Variants in MRPL35 observed in about 807,000 individuals in gnomAD.
MRPL35 encodes the protein large ribosomal subunit protein bL35m.
Under a neutral mutation model 21.6 loss-of-function variants are expected in MRPL35, and 18 were observed. The observed-to-expected ratio is 0.83, with a 90% CI of 0.58 to 1.24. The LOEUF is 1.24. Ranked by LOEUF, MRPL35 falls within the 50% of genes most tolerant of loss-of-function variation. The probability of loss-of-function intolerance (pLI) is 0.00; values close to 1 mark genes in which losing one functional copy is unlikely to be tolerated. For missense variants in MRPL35, 223 were observed against 223.2 expected (o/e 1.00, Z 0.01); for synonymous variants, 87 against 86.9 (o/e 1.00, Z -0.01).
At chr2:86,209,657 C>T (rs531132809) in intron 3 of MRPL35, among the ~76,000 whole-genome samples, 1 of 152,208 alleles carries the variant, frequency 6.6e-6, no homozygotes, top group South Asian at 2.1e-4. Flanking sequence ...AAATTGGTCC[C>T]TTGTGTGTGA....
chr2:86,200,504 A>G (rs1171476111), intron 1 of MRPL35, among the ~76,000 whole-genome samples: 6 of 151,980 alleles, frequency 3.9e-5, no homozygotes, highest in East Asian at 1.9e-4. Flanking sequence ...TAGGTTGCCT[A>G]TTTTTCCTAT....
At chr2:86,203,327 T>C (rs1673727822) in intron 1 of MRPL35, among the ~76,000 whole-genome samples, 1 of 152,100 alleles carries the variant, frequency 6.6e-6, no homozygotes, top group African/African-American at 2.4e-5. Flanking sequence ...CCTCGTGATC[T>C]GCCTGCCTCG....
Position 86,207,235 on chromosome 2 carries a change from T to C in MRPL35, c.286T>C (p.Tyr96His). 1.2e-6 allele frequency: 2 copies of C among 1,614,062 alleles called. No individual in the cohort carries two copies. Among genetic ancestry groups the C allele is most frequent in the Non-Finnish European group, 8.5e-7 (1 of 1,179,946 alleles). Reference sequence around the variant, plus strand: ...GAAGCTGCCAGTCAGATCTCTAACATACTTCAGTGCAAGAAAAGGCAAGAG... The same window carrying C: ...GAAGCTGCCAGTCAGATCTCTAACACACTTCAGTGCAAGAAAAGGCAAGAG... ...VLKLPVRSLT[Y>H]FSARKGKRKT... Residue 96 changes from tyrosine to histidine, a missense_variant, in exon 3 of 4, where the codon TAC (tyrosine) becomes CAC (histidine). Coordinates refer to ENST00000337109, the MANE Select transcript of MRPL35 (RefSeq NM_016622.4).
At position 86,206,235 on chromosome 2, in the gene MRPL35, C is replaced by G; in HGVS notation, c.173C>G (p.Pro58Arg). 6.2e-7 allele frequency: 1 copy of G among 1,613,688 alleles called. No individual in the cohort carries two copies. The highest frequency in any genetic ancestry group is 8.5e-7 in the Non-Finnish European group (1 of 1,179,578). Residue 58 changes from proline (P) to arginine (R), a missense_variant, in exon 2 of 4, where the codon CCC (proline) becomes CGC (arginine). By Grantham distance (103) the Pro-to-Arg change is moderately radical. Transcript: ENST00000337109. ...CAGACACCAGTTGTTTCCTCCACTC[C>G]CAGACTTACCACATCTGAGAGAAAC... is the stretch of plus-strand genomic sequence containing the variant. ...HIQTPVVSST[P>R]RLTTSERNLT...
chr2:86,211,296 T>G lies in MRPL35; in HGVS notation c.*628T>G. 1 of 876,900 alleles carries G rather than the reference T, an allele frequency of 1.1e-6. No individual in the cohort carries two copies. Among genetic ancestry groups the G allele is most frequent in the Non-Finnish European group, 1.4e-6 (1 of 731,276 alleles). The allele number at this position is 876,900 out of a possible 1,614,324, so 54.3% of individuals were successfully genotyped here. On this transcript the variant is annotated 3_prime_UTR_variant, in exon 4 of 4. Transcript: ENST00000337109. Reference sequence around the variant, plus strand: ...TGAGGTTCTTTTCTACATGATGACCTTCAGCTCCTGCTGCTAGTCTCCAAT... The same window carrying G: ...TGAGGTTCTTTTCTACATGATGACCGTCAGCTCCTGCTGCTAGTCTCCAAT...
chr2:86,212,539 G>A lies in MRPL35; in HGVS notation c.*1871G>A. On this transcript the variant is annotated 3_prime_UTR_variant, in exon 4 of 4. Transcript: ENST00000337109. ...AAATGGTGCCTGCAGAAGTTGGGGA[G>A]AAGGATACTTTTGCACAGCCTCCAT... 1 of 1,592,800 alleles carries A rather than the reference G, an allele frequency of 6.3e-7. No individual in the cohort carries two copies. The highest frequency in any genetic ancestry group is 8.5e-7 in the Non-Finnish European group (1 of 1,170,392).
intron 1 of MRPL35, among the ~76,000 whole-genome samples, chr2:86,203,897 C>G (rs760411139): frequency 6.6e-6 from 1 of 152,138 alleles, no homozygotes; most frequent in East Asian, 1.9e-4. Context: ...ATCAACATGG[C>G]CCCTCATTTG....
chr2:86,202,524 A>G (rs1057011534), intron 1 of MRPL35, among the ~76,000 whole-genome samples: 2 of 152,226 alleles, frequency 1.3e-5, no homozygotes, highest in African/African-American at 4.8e-5. Flanking sequence ...TTTCTTGTCT[A>G]CAGTCCTCCA....
rs878940443 is a variant in MRPL35 at position 86,211,229 on chromosome 2, T to G, written c.*561T>G. 8 of 947,584 alleles carry G rather than the reference T, an allele frequency of 8.4e-6. No individual in the cohort carries two copies. The highest frequency in any genetic ancestry group is 1.0e-5 in the Non-Finnish European group (8 of 795,638). 58.7% of individuals were successfully genotyped at this position (947,584 alleles called of 1,614,324 possible). ...ACTTCTCTACACAGCTTTTGCATAC[T>G]TACAGTTTCTGTTCCTTTGTAATAA... is the stretch of plus-strand genomic sequence containing the variant. On this transcript the variant is annotated 3_prime_UTR_variant, in exon 4 of 4. Coordinates refer to ENST00000337109, the MANE Select transcript of MRPL35 (RefSeq NM_016622.4).
chr2:86,199,647 TAAG>T, intron 1 of MRPL35, 114 bp downstream of exon 1: 2 of 1,348,550 alleles, frequency 1.5e-6, no homozygotes, highest in East Asian at 2.4e-5. Flanking sequence ...TTATTTAAGT[TAAG>T]AAGGTTGCGC....
chr2:86,201,047 C>T (rs548955472), intron 1 of MRPL35, among the ~76,000 whole-genome samples: 8 of 152,314 alleles, frequency 5.3e-5, no homozygotes, highest in Non-Finnish European at 1.0e-4. Flanking sequence ...TTGATCTCAT[C>T]CTGGCGCATG....
chr2:86,202,913 C>T (rs906640872), intron 1 of MRPL35, among the ~76,000 whole-genome samples: 3 of 151,852 alleles, frequency 2.0e-5, no homozygotes, highest in African/African-American at 7.3e-5. Flanking sequence ...TGGTCGCAAA[C>T]TCCTGACCTC....
intron 2 of MRPL35, among the ~76,000 whole-genome samples, chr2:86,206,942 G>A (rs369244392): frequency 7.2e-5 from 11 of 152,202 alleles, no homozygotes; most frequent in Non-Finnish European, 1.2e-4. Flanking sequence ...GAAATAAAGC[G>A]ATGATAATAG....
At chr2:86,203,500 G>C (rs1320527682) in intron 1 of MRPL35, among the ~76,000 whole-genome samples, 1 of 152,170 alleles carries the variant, frequency 6.6e-6, no homozygotes, top group East Asian at 1.9e-4. Context: ...ATATGTGTAA[G>C]ATTTATATGA....
In MRPL35 at chr2:86,206,250, C is replaced by G; in HGVS notation, c.188C>G (p.Ser63Cys). Reference sequence around the variant, plus strand: ...TCCTCCACTCCCAGACTTACCACATCTGAGAGAAACCTGACATGTGGGCAT... The same window carrying G: ...TCCTCCACTCCCAGACTTACCACATGTGAGAGAAACCTGACATGTGGGCAT... ...VVSSTPRLTT[S>C]ERNLTCGHTS... is the part of the protein sequence containing the mutation. Residue 63 changes from serine (S) to cysteine (C), a missense_variant, in exon 2 of 4, where the codon TCT becomes TGT. Coordinates refer to ENST00000337109, the MANE Select transcript of MRPL35 (RefSeq NM_016622.4). 6.2e-7 allele frequency: 1 copy of G among 1,613,664 alleles called. No homozygotes were observed. The highest frequency in any genetic ancestry group is 8.5e-7 in the Non-Finnish European group (1 of 1,179,570).
chr2:86,202,534 A>G (rs1162315460), intron 1 of MRPL35, among the ~76,000 whole-genome samples: 2 of 152,208 alleles, frequency 1.3e-5, no homozygotes, highest in Non-Finnish European at 2.9e-5. Flanking sequence ...ACAGTCCTCC[A>G]ATGCACTTAA....
chr2:86,204,146 G>A (rs142650352), intron 1 of MRPL35, among the ~76,000 whole-genome samples: 28 of 151,994 alleles, frequency 1.8e-4, no homozygotes, highest in African/African-American at 6.5e-4. Context: ...CACCACACCC[G>A]GCTAATTTTG....
At position 86,211,983 on chromosome 2, in the gene MRPL35, TG is replaced by T. The variant is rs1407493582; in HGVS notation, c.*1316del. The T allele has an allele frequency of 4.0e-5, 40 of 988,922 alleles. No individual in the cohort carries two copies. The highest frequency in any genetic ancestry group is 4.8e-5 in the Non-Finnish European group (40 of 832,414). 61.3% of individuals were successfully genotyped at this position (988,922 alleles called of 1,614,324 possible). ...CTTGAAGTGGGCAGGGAAGCAGCAC[TG>T]AGTAAAGTTCAATTGAGTGGTTACA... On this transcript the variant is annotated 3_prime_UTR_variant, in exon 4 of 4. Transcript: ENST00000337109.
chr2:86,211,896 G>A lies in MRPL35; in HGVS notation c.*1228G>A, dbSNP rs1673908162. On this transcript the variant is annotated 3_prime_UTR_variant, in exon 4 of 4. Coordinates refer to ENST00000337109, the MANE Select transcript of MRPL35 (RefSeq NM_016622.4). ...CCACAAATTTTCAACAATCATTGTA[G>A]AAACTAAGGGGGAGAAAGTAATCTC... is the stretch of plus-strand genomic sequence containing the variant. The A allele has an allele frequency of 2.0e-6, 2 of 985,412 alleles. No individual in the cohort carries two copies. The highest frequency in any genetic ancestry group is 6.1e-5 in the Admixed American group (1 of 16,262). 61.0% of individuals were successfully genotyped at this position (985,412 alleles called of 1,614,324 possible).
Sources: gnomAD v4.1 joint callset for allele counts (sites outside exome capture counted in the v4.1 genomes callset) on GRCh38, gnomAD v4.1.1 for gene constraint, MANE v1.5 for transcripts, NCBI Gene and HGNC (gene_info 2026-07-23, HGNC 2026-07-21) for gene names.